DCST1: variants seen among roughly 807,000 people sequenced by gnomAD.
DCST1 encodes the protein E3 ubiquitin-protein ligase DCST1.
DCST1 carries 78 observed loss-of-function variants against 89.1 expected under a neutral mutation model. That is an observed-to-expected ratio of 0.88 (90% CI 0.73 to 1.06). The LOEUF (loss-of-function observed/expected upper bound fraction) is 1.06. Among genes scored for constraint, DCST1 ranks in the 50% least tolerant of loss-of-function variants. DCST1 has a pLI of 0.00. For missense variants in DCST1, 900 were observed against 928.6 expected (o/e 0.97, Z 0.40); for synonymous variants, 364 against 371.9 (o/e 0.98, Z 0.24).
chr1:155,046,600 C>CATTTTT, intron 13 of DCST1, 114 bp downstream of exon 13: 1 of 532,372 alleles, frequency 1.9e-6, no homozygotes, highest in Non-Finnish European at 2.6e-6. Context: ...CCTTCTGCCT[C>CATTTTT]TTTTTTTTTT....
intron 13 of DCST1, 79 bp downstream of exon 13, chr1:155,046,565 C>T (rs1660638977): frequency 7.5e-6 from 11 of 1,467,760 alleles, no homozygotes; most frequent in African/African-American, 4.3e-5. Flanking sequence ...GCCACCCCAC[C>T]CTAGTTCTTC....
At chr1:155,047,339 G>A in intron 14 of DCST1, 27 bp downstream of exon 14, 1 of 1,592,180 alleles carries the variant, frequency 6.3e-7, no homozygotes, top group Non-Finnish European at 8.6e-7. Flanking sequence ...GTTTGGATCA[G>A]AGGAATCGAG....
chr1:155,045,252 T>C (rs1445144918), intron 10 of DCST1: 1 of 152,846 alleles, frequency 6.5e-6, no homozygotes, highest in Admixed American at 6.5e-5. Context: ...TTGCAGTAAT[T>C]AACATTTTTT....
intron 4 of DCST1, among the ~76,000 whole-genome samples, chr1:155,037,138 A>G (rs1012843679): frequency 2.0e-5 from 3 of 152,134 alleles, no homozygotes; most frequent in African/African-American, 7.2e-5. Flanking sequence ...CTTGTGTGCC[A>G]ACATCGTCCA....
At chr1:155,044,631 C>T (rs922376352) in intron 10 of DCST1, among the ~76,000 whole-genome samples, 2 of 152,184 alleles carry the variant, frequency 1.3e-5, no homozygotes, top group Non-Finnish European at 2.9e-5. Context: ...AATAACTGGG[C>T]TCCAAATGGC....
At chr1:155,041,691 G>A in intron 7 of DCST1, 23 bp from the exon 8 acceptor site, 1 of 1,614,204 alleles carries the variant, frequency 6.2e-7, no homozygotes, top group African/African-American at 1.3e-5. Flanking sequence ...GGGAACCTCA[G>A]ACACCCTTGC....
Position 155,034,740 on chromosome 1 carries a change from C to T in DCST1, c.262+13C>T, listed in dbSNP as rs1037502777. 38 of 1,613,844 alleles carry T rather than the reference C, an allele frequency of 2.4e-5. No homozygotes were observed. The highest frequency in any genetic ancestry group is 3.0e-5 in the Non-Finnish European group (35 of 1,179,940). ...TACAGCTTGGTGGGTTAGTGCTGGG[C>T]AAAAGCCAGGAACACTCAAGCGGCC... On this transcript the variant is annotated intron_variant, in intron 4 of 16. Coordinates refer to ENST00000295542, the MANE Select transcript of DCST1 (RefSeq NM_152494.4).
intron 2 of DCST1, 86 bp from the exon 3 acceptor site, chr1:155,034,349 C>T: frequency 1.2e-6 from 2 of 1,609,154 alleles, no homozygotes; most frequent in East Asian, 2.2e-5. Flanking sequence ...TTTCCCCAGC[C>T]TCTATCCACC....
In DCST1 at chr1:155,039,445, G is replaced by A. The variant is rs1466758682; in HGVS notation, c.305G>A (p.Cys102Tyr). ...MGWGTSPHIR[C>Y]ASLLLVPKML... ...TGGGGGACCTCCCCTCACATCCGCT[G>A]TGCCAGCCTCCTACTAGTACCCAAG... is the stretch of plus-strand genomic sequence containing the variant. The change falls in exon 5 of 17, where the codon TGT becomes TAT. Residue 102 changes from cysteine (C) to tyrosine (Y), a missense_variant. By Grantham distance (194) the Cys-to-Tyr change is radical. Coordinates refer to ENST00000295542, the MANE Select transcript of DCST1 (RefSeq NM_152494.4). 1.9e-6 allele frequency: 3 copies of A among 1,599,846 alleles called. No individual in the cohort carries two copies. Among genetic ancestry groups the A allele is most frequent in the South Asian group, 1.1e-5 (1 of 88,126 alleles).
chr1:155,047,243 C>A lies in DCST1; in HGVS notation c.1543C>A (p.Arg515=). The stretch of plus-strand genomic sequence containing the variant: ...GGTCGGGGGAGACTCCATGCTAGCC[C>A]GGCTTCTTCGAAAAACCATTGGGGC... ...VKVGGDSMLA[R]LLRKTIGALN... is the part of the protein sequence containing the mutation. The change falls in exon 14 of 17, where the codon CGG becomes AGG. Residue 515 remains arginine (R), a synonymous_variant. Coordinates refer to ENST00000295542, the MANE Select transcript of DCST1 (RefSeq NM_152494.4). 2 of 1,614,176 alleles carry A rather than the reference C, an allele frequency of 1.2e-6. No individual in the cohort carries two copies. Among genetic ancestry groups the A allele is most frequent in the African/African-American group, 2.7e-5 (2 of 75,058 alleles).
chr1:155,046,598 C>T (rs551550632), intron 13 of DCST1, 112 bp downstream of exon 13: 11 of 415,802 alleles, frequency 2.6e-5, no homozygotes, highest in Non-Finnish European at 3.7e-5. Flanking sequence ...GTCCTTCTGC[C>T]TCTTTTTTTT....
Position 155,039,502 on chromosome 1 carries a change from T to C in DCST1, c.362T>C (p.Leu121Pro), listed in dbSNP as rs1660370360. The C allele has an allele frequency of 6.2e-7, 1 of 1,601,916 alleles. No homozygotes were observed. The highest frequency in any genetic ancestry group is 1.7e-5 in the Admixed American group (1 of 58,736). ...MLGKEGRLFV[L>P]GYALAAIYVG... Reference sequence around the variant, plus strand: ...GGCAAGGAAGGCAGGCTCTTTGTCCTGGGATACGCCTTGGCTGCCATCTAT... The same window carrying C: ...GGCAAGGAAGGCAGGCTCTTTGTCCCGGGATACGCCTTGGCTGCCATCTAT... Residue 121 changes from leucine to proline, a missense_variant, in exon 5 of 17, where the codon CTG becomes CCG. Leu to Pro is a moderately conservative substitution (Grantham distance 98). Transcript: ENST00000295542.
chr1:155,049,256 G>C, intron 16 of DCST1: 2 of 572,750 alleles, frequency 3.5e-6, no homozygotes, highest in South Asian at 4.8e-5. Flanking sequence ...AGGATTAAAT[G>C]AGTTGTACTT....
chr1:155,038,634 T>A (rs1255133966), intron 4 of DCST1, among the ~76,000 whole-genome samples: 1 of 152,216 alleles, frequency 6.6e-6, no homozygotes, highest in East Asian at 1.9e-4. Flanking sequence ...TGGCCTGGAA[T>A]GCCATCTGCA....
chr1:155,050,866 T>C lies in DCST1; in HGVS notation c.2119T>C (p.Ter707ArgextTer?), dbSNP rs770415040. 1 of 1,608,344 alleles carries C rather than the reference T, an allele frequency of 6.2e-7. No individual in the cohort carries two copies. The highest frequency in any genetic ancestry group is 8.5e-7 in the Non-Finnish European group (1 of 1,175,908). Residue 707 changes from the stop codon to arginine (R), a stop_lost, in exon 17 of 17, where the codon TGA (stop) becomes CGA (arginine). Transcript: ENST00000295542. ...CAACGACGACACTGCCTACGCGGGG[T>C]GAAGAGGCGTCCTGCTCGCTCTTCC... ...DSNDDTAYAG[*>R]
Position 155,047,179 on chromosome 1 carries a change from T to G in DCST1, c.1496-17T>G. ...CTCCACCTGCCCTGACTTCCCTACC[T>G]GTCCTCCTGGCCGCAGGCAGTCATA... On this transcript the variant is annotated splice_polypyrimidine_tract_variant and intron_variant, in intron 13 of 16. Coordinates refer to ENST00000295542, the MANE Select transcript of DCST1 (RefSeq NM_152494.4). 6.2e-7 allele frequency: 1 copy of G among 1,606,714 alleles called. No homozygotes were observed. The highest frequency in any genetic ancestry group is 8.5e-7 in the Non-Finnish European group (1 of 1,173,324).
intron 5 of DCST1, among the ~76,000 whole-genome samples, 179 bp from the exon 6 acceptor site, chr1:155,040,302 CAAAA>C (rs35215394): frequency 1.7e-5 from 1 of 59,910 alleles, no homozygotes; most frequent in Non-Finnish European, 3.7e-5. Flanking sequence ...GACTCCGTCT[CAAAA>C]AAAAAAAAAA....
In DCST1 at chr1:155,041,537, C is replaced by T; in HGVS notation, c.672C>T (p.Ala224=). The part of the protein sequence containing the change: ...DSGETAQGRE[A]RQAPASRLHL... ...GGGAGACAGCCCAGGGCAGGGAGGC[C>T]CGCCAAGCCCCAGCCTCCAGACTCC... The change falls in exon 7 of 17, where the codon GCC becomes GCT. Residue 224 remains alanine (A), a synonymous_variant. Transcript: ENST00000295542. 6.2e-7 allele frequency: 1 copy of T among 1,613,996 alleles called. No individual in the cohort carries two copies. The highest frequency in any genetic ancestry group is 2.2e-5 in the East Asian group (1 of 44,880).
At chr1:155,049,402 T>G (rs1660778193) in intron 16 of DCST1, 2 of 264,046 alleles carry the variant, frequency 7.6e-6, no homozygotes, top group African/African-American at 2.3e-5. Flanking sequence ...CTGCCTTACA[T>G]GACAATTGAA....
Sources: gnomAD v4.1 joint callset for allele counts (sites outside exome capture counted in the v4.1 genomes callset) on GRCh38, gnomAD v4.1.1 for gene constraint, MANE v1.5 for transcripts, NCBI Gene and HGNC (gene_info 2026-07-23, HGNC 2026-07-21) for gene names.